Variants in DHX58 observed in about 807,000 individuals in gnomAD.
DHX58 encodes the protein DExH-box helicase 58.
A neutral mutation model predicts 65.0 loss-of-function variants in DHX58; 51 were observed. The observed-to-expected ratio is 0.78, with a 90% CI of 0.63 to 0.99. The LOEUF is 0.99. Among genes scored for constraint, DHX58 ranks in the 50% least tolerant of loss-of-function variants. The pLI, the probability that DHX58 is intolerant of heterozygous loss-of-function variation, is 0.00. For synonymous variants in DHX58, 350 were observed against 365.0 expected (o/e 0.96, Z 0.47); for missense variants, 773 against 891.8 (o/e 0.87, Z 1.70).
Position 42,103,673 on chromosome 17 carries a change from C to A in DHX58, c.1689G>T (p.Val563=). The A allele has an allele frequency of 1.2e-6, 2 of 1,614,000 alleles. No homozygotes were observed. Among genetic ancestry groups the A allele is most frequent in the Non-Finnish European group, 1.7e-6 (2 of 1,180,042 alleles). ...QLLCINCMVA[V]GHGSDLRKVE... Reference sequence around the variant, plus strand: ...CCTTCCGCAGGTCGCTGCCATGGCCCACAGCCACCATGCAGTTGATGCAGA... The same window carrying A: ...CCTTCCGCAGGTCGCTGCCATGGCCAACAGCCACCATGCAGTTGATGCAGA... The change falls in exon 12 of 14, where the codon GTG becomes GTT. Residue 563 remains valine, a synonymous_variant. Coordinates refer to ENST00000251642, the MANE Select transcript of DHX58 (RefSeq NM_024119.3).
rs781850171 is a variant in DHX58 at position 42,103,760 on chromosome 17, C to T, written c.1602G>A (p.Ala534=). ...DLQQAALTKR[A]AQAAQRENQR... ...GGTTCTCCCGCTGGGCTGCCTGGGC[C>T]GCCCGCTTGGTCAAGGCTGCCTGCT... The change falls in exon 12 of 14, where the codon GCG becomes GCA. Residue 534 remains alanine (A), a synonymous_variant. Transcript: ENST00000251642. 31 of 1,611,224 alleles carry T rather than the reference C, an allele frequency of 1.9e-5. No individual in the cohort carries two copies. Among genetic ancestry groups the T allele is most frequent in the East Asian group, 4.5e-5 (2 of 44,882 alleles).
Position 42,102,312 on chromosome 17 carries a change from C to T in DHX58, c.1755G>A (p.Ser585=), listed in dbSNP as rs1555661696. ...THHVNVNPNF[S]NYYNVSRDPV... ...GATCCCTGGAGACATTATAGTAGTTCCTGGAGAGGAAGGGGGGTGGCCACA... is the reference window on the plus strand; with the variant it reads ...GATCCCTGGAGACATTATAGTAGTTTCTGGAGAGGAAGGGGGGTGGCCACA... The change falls in exon 13 of 14, where the codon TCG becomes TCA. Residue 585 remains serine, a splice_region_variant and synonymous_variant. Coordinates refer to ENST00000251642, the MANE Select transcript of DHX58 (RefSeq NM_024119.3). 1.2e-6 allele frequency: 2 copies of T among 1,613,942 alleles called. No individual in the cohort carries two copies. Among genetic ancestry groups the T allele is most frequent in the South Asian group, 1.1e-5 (1 of 91,084 alleles).
chr17:42,104,926 G>A lies in DHX58; in HGVS notation c.1403C>T (p.Ala468Val). The A allele has an allele frequency of 6.2e-7, 1 of 1,614,056 alleles. No homozygotes were observed. Residue 468 changes from alanine to valine, a missense_variant and splice_region_variant, in exon 11 of 14, where the codon GCC becomes GTC. Coordinates refer to ENST00000251642, the MANE Select transcript of DHX58 (RefSeq NM_024119.3). ...LLTNEISMVQARGRARADQSV... is the reference protein window; with the variant it reads ...LLTNEISMVQVRGRARADQSV... Reference sequence around the variant, plus strand: ...CTGATCGGCCCGGGCACGGCCCCTGGCCTGGGAAGAGAGACAAGGGGTGTC... The same window carrying A: ...CTGATCGGCCCGGGCACGGCCCCTGACCTGGGAAGAGAGACAAGGGGTGTC...
intron 3 of DHX58, 76 bp from the exon 4 acceptor site, chr17:42,111,573 A>G: frequency 6.3e-7 from 1 of 1,592,970 alleles, no homozygotes; most frequent in Non-Finnish European, 8.6e-7. Flanking sequence ...GGTGACCCGC[A>G]GGACATGGCT....
chr17:42,109,506 A>G, intron 5 of DHX58, 120 bp from the exon 6 acceptor site: 1 of 779,112 alleles, frequency 1.3e-6, no homozygotes. Flanking sequence ...CTACTCAAAT[A>G]TTGCTCGCCC....
intron 7 of DHX58, 49 bp from the exon 8 acceptor site, chr17:42,107,844 G>A: frequency 6.5e-7 from 1 of 1,533,124 alleles, no homozygotes; most frequent in Non-Finnish European, 8.8e-7. Context: ...CCCGCCCCCT[G>A]CCCTGCCCCA....
At chr17:42,111,654 G>A (rs2054157369) in intron 3 of DHX58, 71 bp downstream of exon 3, 1 of 1,572,572 alleles carries the variant, frequency 6.4e-7, no homozygotes, top group East Asian at 2.3e-5. Flanking sequence ...TTCTGGTGGG[G>A]ACTGGGAGAT....
rs375129430 is a variant in DHX58 at position 42,111,717 on chromosome 17, C to A, written c.168+8G>T. The stretch of plus-strand genomic sequence containing the variant: ...GGTGGGAGAGCGGGGTAGGGACAGA[C>A]CACTCACCCTGTTGACCAATACAAC... On this transcript the variant is annotated splice_region_variant and intron_variant, in intron 3 of 13. Transcript: ENST00000251642. The A allele has an allele frequency of 1.9e-6, 3 of 1,606,042 alleles. No homozygotes were observed. Among genetic ancestry groups the A allele is most frequent in the East Asian group, 2.2e-5 (1 of 44,686 alleles).
intron 9 of DHX58, 54 bp from the exon 10 acceptor site, chr17:42,105,221 C>T (rs1179241725): frequency 6.6e-7 from 1 of 1,523,928 alleles, no homozygotes; most frequent in Non-Finnish European, 8.8e-7. Context: ...GAGGCTCAGA[C>T]TGACTCCACC....
chr17:42,109,488 G>GCCCA, intron 5 of DHX58, 102 bp from the exon 6 acceptor site: 1 of 936,966 alleles, frequency 1.1e-6, no homozygotes, highest in Non-Finnish European at 1.6e-6. Context: ...GAGAATGTGG[G>GCCCA]CATTCGTCTA....
intron 8 of DHX58, among the ~76,000 whole-genome samples, chr17:42,107,041 T>TA (rs1446166181): frequency 6.6e-6 from 1 of 152,042 alleles, no homozygotes; most frequent in African/African-American, 2.4e-5. Flanking sequence ...TCTCTCAGTC[T>TA]AAAGGAACCA....
At position 42,103,664 on chromosome 17, in the gene DHX58, G is replaced by T. The variant is rs782049749; in HGVS notation, c.1698C>A (p.Gly566=). 1.4e-5 allele frequency: 22 copies of T among 1,614,012 alleles called. 1 individual carries two copies. In the South Asian group the frequency reaches 2.4e-4, roughly 18 times the overall value. The stretch of plus-strand genomic sequence containing the variant: ...TGCCCTCCACCTTCCGCAGGTCGCT[G>T]CCATGGCCCACAGCCACCATGCAGT... ...CINCMVAVGH[G]SDLRKVEGTH... The change falls in exon 12 of 14, where the codon GGC becomes GGA. Residue 566 remains glycine (G), a synonymous_variant. Coordinates refer to ENST00000251642, the MANE Select transcript of DHX58 (RefSeq NM_024119.3).
At position 42,111,302 on chromosome 17, in the gene DHX58, G is replaced by T; in HGVS notation, c.364C>A (p.Leu122Ile). ...TSPEEEEHVELTVFSLIVVDE... is the reference protein window; with the variant it reads ...TSPEEEEHVEITVFSLIVVDE... ...TCCCGGCCATGGCCCTCACCAGTGA[G>T]CTCCACGTGCTCCTCCTCCTCGGGG... The change falls in exon 4 of 14, where the codon CTC (leucine) becomes ATC (isoleucine). Residue 122 changes from leucine to isoleucine, a missense_variant. By Grantham distance (5) the Leu-to-Ile change is conservative. Coordinates refer to ENST00000251642, the MANE Select transcript of DHX58 (RefSeq NM_024119.3). 4 of 1,612,054 alleles carry T rather than the reference G, an allele frequency of 2.5e-6. No homozygotes were observed. The South Asian group carries it at 4.4e-5, about 18-fold the overall frequency.
chr17:42,102,332 G>T lies in DHX58; in HGVS notation c.1755-20C>A, dbSNP rs782553814. 1.9e-6 allele frequency: 3 copies of T among 1,605,710 alleles called. No individual in the cohort carries two copies. In the Admixed American group the frequency reaches 5.0e-5, roughly 27 times the overall value. On this transcript the variant is annotated intron_variant, in intron 12 of 13. Coordinates refer to ENST00000251642, the MANE Select transcript of DHX58 (RefSeq NM_024119.3). Reference sequence around the variant, plus strand: ...TAGTTCCTGGAGAGGAAGGGGGGTGGCCACAGCCCTCATTGACCCTCCTCA... The same window carrying T: ...TAGTTCCTGGAGAGGAAGGGGGGTGTCCACAGCCCTCATTGACCCTCCTCA...
chr17:42,102,683 A>C, intron 12 of DHX58: 1 of 169,850 alleles, frequency 5.9e-6, no homozygotes, highest in South Asian at 1.6e-4. Flanking sequence ...CCTAAGAGGA[A>C]CCTCCTGGAT....
Position 42,105,307 on chromosome 17 carries a change from T to TTTA in DHX58, c.1252-143_1252-141dup, listed in dbSNP as rs1292652767. Reference sequence around the variant, plus strand: ...CTCCCTAGAGTACTTGAATCCCATCTTTATCCCCAGGTACCCCCAGGATCT... The same window carrying TTTA: ...CTCCCTAGAGTACTTGAATCCCATCTTTATTATCCCCAGGTACCCCCAGGATCT... On this transcript the variant is annotated intron_variant, in intron 9 of 13. Coordinates refer to ENST00000251642, the MANE Select transcript of DHX58 (RefSeq NM_024119.3). The TTTA allele has an allele frequency of 6.9e-6, 8 of 1,160,910 alleles. No homozygotes were observed. The East Asian group carries it at 1.8e-4, about 27-fold the overall frequency. 71.9% of individuals were successfully genotyped at this position (1,160,910 alleles called of 1,614,324 possible). A position where few individuals can be genotyped will look rare whatever the true frequency, so the allele number is the denominator to read the frequency against.
rs1285692904 is a variant in DHX58, at chr17:42,107,733, C to T, written c.868G>A (p.Ala290Thr). The T allele has an allele frequency of 1.9e-6, 3 of 1,606,334 alleles. No individual in the cohort carries two copies. Among genetic ancestry groups the T allele is most frequent in the African/African-American group, 1.3e-5 (1 of 74,772 alleles). The change falls in exon 8 of 14, where the codon GCG becomes ACG. Residue 290 changes from alanine to threonine, a missense_variant. Physicochemically the swap from Ala to Thr is moderately conservative, Grantham distance 58. Transcript: ENST00000251642. The part of the protein sequence containing the change: ...YALHLRRYND[A>T]LLIHDTVRAV... Reference sequence around the variant, plus strand: ...CGGACGGTGTCATGGATGAGCAGCGCGTCATTGTAGCGCCTCAGGTGAAGC... The same window carrying T: ...CGGACGGTGTCATGGATGAGCAGCGTGTCATTGTAGCGCCTCAGGTGAAGC...
At chr17:42,107,817 T>G (rs1319428468) in intron 7 of DHX58, 22 bp from the exon 8 acceptor site, 1 of 1,553,180 alleles carries the variant, frequency 6.4e-7, no homozygotes, top group African/African-American at 1.4e-5. Context: ...GGGCGCAGGG[T>G]CTGAGCAGCC....
intron 8 of DHX58, among the ~76,000 whole-genome samples, 199 bp downstream of exon 8, chr17:42,107,405 A>G (rs2054078343): frequency 6.6e-6 from 1 of 151,890 alleles, no homozygotes. Flanking sequence ...AATTAATTTT[A>G]ACAACTAAGC....
Sources: gnomAD v4.1 joint callset for allele counts (sites outside exome capture counted in the v4.1 genomes callset) on GRCh38, gnomAD v4.1.1 for gene constraint, MANE v1.5 for transcripts, NCBI Gene and HGNC (gene_info 2026-07-23, HGNC 2026-07-21) for gene names.